MAML3: variants seen among roughly 807,000 people sequenced by gnomAD.
The protein encoded by MAML3 is mastermind-like protein 3.
MAML3 carries 27 observed loss-of-function variants against 101.9 expected under a neutral mutation model. The ratio of observed to expected loss-of-function variants is 0.27; its 90% CI spans 0.20 to 0.37. MAML3 has a LOEUF of 0.37. MAML3 is among the 10% of genes least tolerant of loss of function. MAML3 has a pLI of 1.00. For missense variants in MAML3, 1,316 were observed against 1,444.9 expected (o/e 0.91, Z 1.45); for synonymous variants, 501 against 555.9 (o/e 0.90, Z 1.39).
At chr4:139,830,410 AT>A (rs1157293904) in intron 2 of MAML3, among the ~76,000 whole-genome samples, 1,884 of 121,264 alleles carry the variant, frequency 0.016, 8 homozygotes, top group African/African-American at 0.057. Flanking sequence ...ACGCTGTGCT[AT>A]TTTTTTTTTT....
chr4:140,074,260 A>AGAAAGAAAGAAG (rs1553973063), intron 1 of MAML3, among the ~76,000 whole-genome samples: 4 of 150,790 alleles, frequency 2.7e-5, no homozygotes, highest in African/African-American at 9.7e-5. Flanking sequence ...AAAGAAAGAA[A>AGAAAGAAAGAAG]GAGGACATGT....
At chr4:139,780,021 T>C (rs968487224) in intron 2 of MAML3, among the ~76,000 whole-genome samples, 2 of 152,258 alleles carry the variant, frequency 1.3e-5, no homozygotes, top group South Asian at 4.1e-4. Flanking sequence ...TGCGCTGCCA[T>C]TCCTGACTTC....
rs748891289 is a variant in MAML3 at position 140,152,946 on chromosome 4, C to T, written c.382G>A (p.Gly128Ser). ...CTCGGGTGCTGCTGTTTGCCGGTGC[C>T]GGCGCCCGATTTCTTGGCCCTCTGC... Reference protein sequence around the residue: ...LEQRAKKSGAGTGKQQHPSKP... With the variant: ...LEQRAKKSGASTGKQQHPSKP... The change falls in exon 1 of 5, where the codon GGC becomes AGC. Residue 128 changes from glycine to serine, a missense_variant. Physicochemically the swap from Gly to Ser is moderately conservative, Grantham distance 56. Coordinates refer to ENST00000509479, the MANE Select transcript of MAML3 (RefSeq NM_018717.5). The T allele has an allele frequency of 1.2e-6, 2 of 1,612,344 alleles. No individual in the cohort carries two copies. Among genetic ancestry groups the T allele is most frequent in the South Asian group, 1.1e-5 (1 of 90,930 alleles).
rs1728143776 is a variant in MAML3 at position 139,719,572 on chromosome 4, T to G, written c.3168A>C (p.Pro1056=). 2 of 1,613,382 alleles carry G rather than the reference T, an allele frequency of 1.2e-6. No individual in the cohort carries two copies. Among genetic ancestry groups the G allele is most frequent in the Non-Finnish European group, 1.7e-6 (2 of 1,179,724 alleles). ...GGGGCTGGCTGAACGCTGGCATGCC[T>G]GGGACTCCCTGGCTCAGGCCAGACA... ...MVMSGLSQGV[P]GMPAFSQPPA... is the part of the protein sequence containing the mutation. The change falls in exon 5 of 5, where the codon CCA becomes CCC. Residue 1056 remains proline, a synonymous_variant. Coordinates refer to ENST00000509479, the MANE Select transcript of MAML3 (RefSeq NM_018717.5).
At chr4:139,879,535 AAAAAAGAAAAG>A (rs1391036440) in intron 2 of MAML3, among the ~76,000 whole-genome samples, 2 of 149,024 alleles carry the variant, frequency 1.3e-5, no homozygotes, top group Non-Finnish European at 3.0e-5. Context: ...GAAAAAAAAA[AAAAAAGAAAAG>A]AAAAGAAAAG....
intron 2 of MAML3, among the ~76,000 whole-genome samples, chr4:139,839,963 G>A (rs1171530281): frequency 6.6e-6 from 1 of 152,214 alleles, no homozygotes; most frequent in African/African-American, 2.4e-5. Context: ...GCCCTCAGAA[G>A]AGCATATAAT....
intron 2 of MAML3, among the ~76,000 whole-genome samples, chr4:139,811,785 A>T (rs1224282177): frequency 1.3e-5 from 2 of 152,240 alleles, no homozygotes; most frequent in Non-Finnish European, 2.9e-5. Flanking sequence ...GAATTTTCTG[A>T]AAAGCAAAAC....
At chr4:139,853,824 TTTTTA>T (rs1731604210) in intron 2 of MAML3, among the ~76,000 whole-genome samples, 1 of 99,318 alleles carries the variant, frequency 1.0e-5, no homozygotes, top group Non-Finnish European at 2.2e-5. Context: ...TTTTATTTTA[TTTTTA>T]TTTTTTTTTT....
intron 1 of MAML3, among the ~76,000 whole-genome samples, chr4:139,927,755 T>C (rs1373565274): frequency 6.6e-6 from 1 of 152,236 alleles, no homozygotes; most frequent in African/African-American, 2.4e-5. Context: ...AACACATTTA[T>C]GCGGACTCCT....
At chr4:139,999,687 C>G (rs971958501) in intron 1 of MAML3, among the ~76,000 whole-genome samples, 1 of 152,172 alleles carries the variant, frequency 6.6e-6, no homozygotes, top group African/African-American at 2.4e-5. Flanking sequence ...TCCAATATAA[C>G]TTGTATAGTG....
intron 2 of MAML3, among the ~76,000 whole-genome samples, chr4:139,813,644 A>G (rs1049832753): frequency 1.3e-5 from 2 of 152,180 alleles, no homozygotes; most frequent in Admixed American, 6.5e-5. Flanking sequence ...CAGTGATCAG[A>G]GAATACATTC....
chr4:139,741,381 T>C (rs139567139), intron 2 of MAML3, among the ~76,000 whole-genome samples: 1,731 of 152,274 alleles, frequency 0.011, 132 homozygotes, highest in Admixed American at 0.11. Context: ...AGACATATTC[T>C]TCGAACAAGG....
At chr4:139,840,278 G>A (rs1731338443) in intron 2 of MAML3, among the ~76,000 whole-genome samples, 1 of 152,216 alleles carries the variant, frequency 6.6e-6, no homozygotes, top group African/African-American at 2.4e-5. Flanking sequence ...TGGGATGAGA[G>A]CTCTCCACAG....
intron 2 of MAML3, among the ~76,000 whole-genome samples, chr4:139,766,563 A>G (rs73854348): frequency 0.051 from 7,733 of 152,182 alleles, 291 homozygotes; most frequent in African/African-American, 0.099. Flanking sequence ...ACAACCAGAA[A>G]CCATGACAGA....
At chr4:139,977,537 A>G (rs1223675986) in intron 1 of MAML3, among the ~76,000 whole-genome samples, 2 of 152,194 alleles carry the variant, frequency 1.3e-5, no homozygotes, top group African/African-American at 4.8e-5. Flanking sequence ...TACTGGTAAT[A>G]CTAATTATGA....
At position 139,718,093 on chromosome 4, in the gene MAML3, C is replaced by T. The variant is rs960073079; in HGVS notation, c.*1230G>A. 6.6e-6 allele frequency: 1 copy of T among 152,154 alleles called. No homozygotes were observed. The highest frequency in any genetic ancestry group is 6.5e-5 in the Admixed American group (1 of 15,282). The allele number at this position is 152,154 out of a possible 1,614,324, so 9.4% of individuals were successfully genotyped here. ...TGGGAAAGGTGGATTTTTAGAGCATCACTCCCAGGATTTCGCCCAAAGGGA... is the reference window on the plus strand; with the variant it reads ...TGGGAAAGGTGGATTTTTAGAGCATTACTCCCAGGATTTCGCCCAAAGGGA... On this transcript the variant is annotated 3_prime_UTR_variant, in exon 5 of 5. Transcript: ENST00000509479.
chr4:139,831,232 T>C (rs1366187994), intron 2 of MAML3, among the ~76,000 whole-genome samples: 3 of 152,214 alleles, frequency 2.0e-5, no homozygotes, highest in African/African-American at 7.2e-5. Context: ...CCACCTATTA[T>C]TTATCATAAA....
intron 1 of MAML3, among the ~76,000 whole-genome samples, chr4:139,923,272 C>T (rs1733160854): frequency 6.6e-6 from 1 of 152,238 alleles, no homozygotes. Context: ...ACCAGCCCCA[C>T]CCTGCAGTAG....
intron 1 of MAML3, among the ~76,000 whole-genome samples, chr4:139,994,678 T>G (rs28828150): frequency 0.49 from 74,914 of 151,968 alleles, 18,954 homozygotes; most frequent in East Asian, 0.65. Context: ...ATGAATGAAT[T>G]AATTAATTAA....
Sources: allele counts gnomAD v4.1 joint callset (sites outside exome capture counted in the v4.1 genomes callset), GRCh38; gene constraint gnomAD v4.1.1; transcripts MANE v1.5; gene names NCBI Gene and HGNC (gene_info 2026-07-23, HGNC 2026-07-21).